Variants in HPSE2 observed in about 807,000 individuals in gnomAD.
HPSE2 encodes inactive heparanase-2.
Under a neutral mutation model 60.5 loss-of-function variants are expected in HPSE2, and 38 were observed. The observed-to-expected ratio is 0.63, with a 90% CI of 0.48 to 0.82. The LOEUF (loss-of-function observed/expected upper bound fraction) is 0.82, where lower values mean the gene tolerates loss of function less well. HPSE2 is among the 40% of genes least tolerant of loss of function. HPSE2 has a pLI of 0.00. For synonymous variants in HPSE2, 295 were observed against 293.2 expected (o/e 1.01, Z -0.06); for missense variants, 713 against 740.4 (o/e 0.96, Z 0.43).
At chr10:98,705,762 G>A (rs542771960) in intron 5 of HPSE2, among the ~76,000 whole-genome samples, 2 of 152,044 alleles carry the variant, frequency 1.3e-5, no homozygotes, top group Non-Finnish European at 2.9e-5. Flanking sequence ...TCGCGGGGTG[G>A]GGGAGCGAGG....
intron 3 of HPSE2, among the ~76,000 whole-genome samples, chr10:98,965,056 C>T (rs1324182658): frequency 2.0e-5 from 3 of 152,228 alleles, no homozygotes; most frequent in Admixed American, 6.5e-5. Context: ...ACTGCAATAC[C>T]TTCCTTATTA....
intron 10 of HPSE2, among the ~76,000 whole-genome samples, chr10:98,483,333 A>G (rs779961633): frequency 6.6e-6 from 1 of 152,164 alleles, no homozygotes; most frequent in African/African-American, 2.4e-5. Flanking sequence ...TTCTTTTTCT[A>G]CTTGTAGAAG....
intron 9 of HPSE2, among the ~76,000 whole-genome samples, chr10:98,571,699 T>C (rs892870036): frequency 2.6e-5 from 4 of 152,168 alleles, no homozygotes; most frequent in Admixed American, 1.3e-4. Flanking sequence ...TTCATGAGAT[T>C]AAGAAATTGT....
rs138626766 is a variant in HPSE2 at position 98,791,835 on chromosome 10, T to C, written c.611-47779A>G. 2.1e-3 allele frequency among the ~76,000 whole-genome samples: 314 copies of C among 152,348 alleles called. 2 individuals are homozygous for C. Among genetic ancestry groups the C allele is most frequent in the East Asian group, 0.017 (87 of 5,184 alleles). ...AGCCATGAGTCAAAGTTTTCTGATG[T>C]ATAATTCCATACTCATTTTATTGAA... On this transcript the variant is annotated intron_variant, in intron 3 of 11. Coordinates refer to ENST00000370552, the MANE Select transcript of HPSE2 (RefSeq NM_021828.5).
At chr10:99,213,800 T>C (rs2133914342) in intron 2 of HPSE2, among the ~76,000 whole-genome samples, 1 of 152,278 alleles carries the variant, frequency 6.6e-6, no homozygotes, top group Admixed American at 6.5e-5. Context: ...TTTCCTCTTC[T>C]ACAAAATGGG....
At chr10:98,904,303 TGAA>T (rs1953749289) in intron 3 of HPSE2, among the ~76,000 whole-genome samples, 1 of 151,984 alleles carries the variant, frequency 6.6e-6, no homozygotes, top group African/African-American at 2.4e-5. Context: ...TGAAATGTAA[TGAA>T]GAAGATGAAG....
chr10:98,542,439 A>G (rs1486510354), intron 9 of HPSE2, among the ~76,000 whole-genome samples: 8 of 152,170 alleles, frequency 5.3e-5, no homozygotes, highest in Non-Finnish European at 1.2e-4. Context: ...CTCCAAAGGA[A>G]CGCAGTTCCT....
chr10:98,683,367 AAACT>A (rs1400553159), intron 6 of HPSE2, among the ~76,000 whole-genome samples: 2 of 151,892 alleles, frequency 1.3e-5, no homozygotes, highest in African/African-American at 4.8e-5. Flanking sequence ...AAAAAAAAAC[AAACT>A]ACCTACTGGA....
chr10:98,660,250 AT>A (rs1469082109), intron 6 of HPSE2, among the ~76,000 whole-genome samples: 1 of 152,188 alleles, frequency 6.6e-6, no homozygotes, highest in Non-Finnish European at 1.5e-5. Flanking sequence ...TATTTTCTAA[AT>A]TTGTTAGCAC....
At chr10:99,160,987 G>A (rs1057015458) in intron 2 of HPSE2, among the ~76,000 whole-genome samples, 10 of 152,036 alleles carry the variant, frequency 6.6e-5, no homozygotes, top group African/African-American at 2.4e-4. Context: ...TGGCCAGGGT[G>A]GGAAGATGGC....
At chr10:98,876,705 T>C (rs1339141989) in intron 3 of HPSE2, among the ~76,000 whole-genome samples, 2 of 151,894 alleles carry the variant, frequency 1.3e-5, no homozygotes, top group East Asian at 3.9e-4. Context: ...ATATGAATTT[T>C]CTTGCAAGCA....
chr10:99,064,053 A>T (rs1313384178), intron 3 of HPSE2, among the ~76,000 whole-genome samples: 1 of 152,200 alleles, frequency 6.6e-6, no homozygotes, highest in Non-Finnish European at 1.5e-5. Context: ...AGATCGCGCC[A>T]CTGCACTCCA....
At chr10:99,140,278 T>C (rs941253294) in intron 3 of HPSE2, among the ~76,000 whole-genome samples, 2 of 152,188 alleles carry the variant, frequency 1.3e-5, no homozygotes, top group African/African-American at 2.4e-5. Context: ...TGGAGTCTAA[T>C]GACTGAATGA....
chr10:98,831,185 AC>A, intron 3 of HPSE2, among the ~76,000 whole-genome samples: 1 of 152,274 alleles, frequency 6.6e-6, no homozygotes, highest in Non-Finnish European at 1.5e-5. Flanking sequence ...AATCAGACCA[AC>A]TTTTTTGCTA....
intron 3 of HPSE2, among the ~76,000 whole-genome samples, chr10:99,062,228 C>A (rs563994260): frequency 1.2e-4 from 19 of 152,148 alleles, no homozygotes; most frequent in Non-Finnish European, 2.5e-4. Context: ...ACAAGTCTTA[C>A]CTTGCTTTCT....
intron 9 of HPSE2, among the ~76,000 whole-genome samples, chr10:98,578,141 C>A (rs914878818): frequency 6.6e-6 from 1 of 152,144 alleles, no homozygotes; most frequent in Admixed American, 6.5e-5. Context: ...TTCTTCTTGT[C>A]CAGCATCCTT....
intron 3 of HPSE2, among the ~76,000 whole-genome samples, chr10:98,817,232 T>C (rs986124299): frequency 6.6e-6 from 1 of 152,210 alleles, no homozygotes; most frequent in African/African-American, 2.4e-5. Context: ...ATTATAAGTT[T>C]CGGATTCTTT....
chr10:98,714,403 A>T (rs1156973258), intron 5 of HPSE2, among the ~76,000 whole-genome samples: 2 of 151,844 alleles, frequency 1.3e-5, no homozygotes, highest in African/African-American at 4.8e-5. Context: ...CAACTACTAA[A>T]CTATGTTTTG....
intron 9 of HPSE2, among the ~76,000 whole-genome samples, chr10:98,604,687 T>C (rs949429921): frequency 6.6e-6 from 1 of 152,232 alleles, no homozygotes; most frequent in Non-Finnish European, 1.5e-5. Flanking sequence ...ATTTCCTGAA[T>C]GGTTTCAAAG....
Sources: gnomAD v4.1 joint callset for allele counts (sites outside exome capture counted in the v4.1 genomes callset) on GRCh38, gnomAD v4.1.1 for gene constraint, MANE v1.5 for transcripts, NCBI Gene and HGNC (gene_info 2026-07-23, HGNC 2026-07-21) for gene names.